MPDZ: variants seen among roughly 807,000 people sequenced by gnomAD.
MPDZ encodes multiple PDZ domain crumbs cell polarity complex component.
In MPDZ, 234 loss-of-function variants were observed where a neutral mutation model predicts 239.1. That is an observed-to-expected ratio of 0.98 (90% CI 0.88 to 1.09). MPDZ has a LOEUF of 1.09. Among genes scored for constraint, MPDZ ranks in the 50% least tolerant of loss-of-function variants. The probability of loss-of-function intolerance (pLI) is 0.00; values close to 1 mark genes in which losing one functional copy is unlikely to be tolerated. For synonymous variants in MPDZ, 1,048 were observed against 881.3 expected (o/e 1.19, Z -3.35); for missense variants, 3,175 against 2,510.0 (o/e 1.26, Z -5.66).
At chr9:13,207,148 A>C (rs1957095817) in intron 10 of MPDZ, among the ~76,000 whole-genome samples, 1 of 152,182 alleles carries the variant, frequency 6.6e-6, no homozygotes, top group African/African-American at 2.4e-5. Context: ...TCAAAAAAGA[A>C]AGAAAAAAAG....
intron 12 of MPDZ, among the ~76,000 whole-genome samples, chr9:13,200,745 C>G (rs1173177855): frequency 1.3e-5 from 2 of 151,802 alleles, no homozygotes; most frequent in Non-Finnish European, 2.9e-5. Context: ...TTATTGATAT[C>G]TAGTTTTATT....
intron 23 of MPDZ, among the ~76,000 whole-genome samples, chr9:13,160,040 T>C (rs1245231308): frequency 2.6e-5 from 4 of 152,156 alleles, no homozygotes; most frequent in African/African-American, 9.6e-5. Flanking sequence ...GAAAGTCACA[T>C]GGTGAGAAAG....
chr9:13,162,061 T>TAGGGTTAGGGTTAGGG (rs1314427422), intron 23 of MPDZ, among the ~76,000 whole-genome samples: 2 of 152,106 alleles, frequency 1.3e-5, no homozygotes, highest in African/African-American at 4.8e-5. Context: ...GCTCAGAAGT[T>TAGGGTTAGGGTTAGGG]TGAGACCAGC....
chr9:13,233,239 G>C (rs185619183), intron 3 of MPDZ, among the ~76,000 whole-genome samples: 38 of 152,184 alleles, frequency 2.5e-4, no homozygotes, highest in Admixed American at 1.6e-3. Flanking sequence ...TTAAAACATA[G>C]GTAGTAGGAA....
At chr9:13,124,307 C>G (rs1944802637) in intron 35 of MPDZ, among the ~76,000 whole-genome samples, 1 of 152,024 alleles carries the variant, frequency 6.6e-6, no homozygotes, top group African/African-American at 2.4e-5. Flanking sequence ...GTGAATTATC[C>G]AGTCTTTCTA....
In MPDZ at chr9:13,158,002, C is replaced by G; in HGVS notation, c.3452+16G>C. On this transcript the variant is annotated intron_variant, in intron 24 of 46. Coordinates refer to ENST00000319217, the MANE Select transcript of MPDZ (RefSeq NM_001378778.1). ...ATATATCCATTGGGTGGACAGAAGA[C>G]AGAAATAGTCCTTACCGCCTGGGCT... is the stretch of plus-strand genomic sequence containing the variant. 8 of 1,607,530 alleles carry G rather than the reference C, an allele frequency of 5.0e-6. No individual in the cohort carries two copies. Among genetic ancestry groups the G allele is most frequent in the Middle Eastern group, 1.7e-4 (1 of 6,052 alleles).
intron 3 of MPDZ, among the ~76,000 whole-genome samples, chr9:13,228,395 C>T (rs1245497315): frequency 6.6e-6 from 1 of 152,032 alleles, no homozygotes; most frequent in African/African-American, 2.4e-5. Flanking sequence ...AACTAAAACA[C>T]CTTCTAAGTA....
chr9:13,236,539 C>T, intron 3 of MPDZ, among the ~76,000 whole-genome samples: 1 of 151,272 alleles, frequency 6.6e-6, no homozygotes, highest in East Asian at 2.0e-4. Context: ...CCTCAGCCTC[C>T]CAAAGTGCTG....
intron 19 of MPDZ, among the ~76,000 whole-genome samples, chr9:13,182,646 AAAC>A (rs1953509398): frequency 6.6e-6 from 1 of 152,138 alleles, no homozygotes; most frequent in Admixed American, 6.6e-5. Flanking sequence ...GAAAAGTGAA[AAAC>A]AAATGGCCAA....
rs1944034592 is a variant in MPDZ, at chr9:13,119,657, C to A, written c.5232-8G>T. 6.2e-7 allele frequency: 1 copy of A among 1,613,886 alleles called. No individual in the cohort carries two copies. Among genetic ancestry groups the A allele is most frequent in the South Asian group, 1.1e-5 (1 of 91,078 alleles). The stretch of plus-strand genomic sequence containing the variant: ...AATACTCCAGTATCGTTTCTACACA[C>A]AATTTTGAATTTCAACATTATCTTT... On this transcript the variant is annotated splice_region_variant and splice_polypyrimidine_tract_variant and intron_variant, in intron 38 of 46. Transcript: ENST00000319217.
intron 28 of MPDZ, 82 bp from the exon 29 acceptor site, chr9:13,138,235 A>C: frequency 7.4e-7 from 1 of 1,342,468 alleles, no homozygotes; most frequent in Non-Finnish European, 9.8e-7. Flanking sequence ...ATTTAGTTTT[A>C]CCTCAAAAGG....
At chr9:13,223,447 G>C in intron 5 of MPDZ, 124 bp downstream of exon 5, 1 of 1,155,258 alleles carries the variant, frequency 8.7e-7, no homozygotes, top group Non-Finnish European at 1.2e-6. Context: ...CTAAAAACTG[G>C]TTAATAACAG....
At chr9:13,153,578 T>C (rs1042396511) in intron 24 of MPDZ, among the ~76,000 whole-genome samples, 2 of 152,050 alleles carry the variant, frequency 1.3e-5, no homozygotes, top group Admixed American at 6.6e-5. Flanking sequence ...GCTCAAGTAA[T>C]CTTCCCATCT....
chr9:13,150,151 C>G (rs1352778386), intron 25 of MPDZ, among the ~76,000 whole-genome samples: 2 of 151,884 alleles, frequency 1.3e-5, no homozygotes, highest in Non-Finnish European at 2.9e-5. Flanking sequence ...GTGCTTTGTT[C>G]TTTCAAACAG....
rs754735193 is a variant in MPDZ at position 13,175,820 on chromosome 9, A to G, written c.2987T>C (p.Met996Thr). ...AGATTCTTTAGATACATTTTGAAGC[A>G]TGACACACTCAGCATTACAGGCCAG... ...SSLACNAECV[M>T]LQNVSKESFE... is the part of the protein sequence containing the mutation. The change falls in exon 21 of 47, where the codon ATG (methionine) becomes ACG (threonine). Residue 996 changes from methionine (M) to threonine (T), a missense_variant. Coordinates refer to ENST00000319217, the MANE Select transcript of MPDZ (RefSeq NM_001378778.1). 6.3e-7 allele frequency: 1 copy of G among 1,589,480 alleles called. No homozygotes were observed. The highest frequency in any genetic ancestry group is 1.2e-5 in the South Asian group (1 of 86,956).
At chr9:13,199,821 T>A (rs747672387) in intron 12 of MPDZ, among the ~76,000 whole-genome samples, 5 of 152,156 alleles carry the variant, frequency 3.3e-5, no homozygotes, top group African/African-American at 4.8e-5. Context: ...AACTTGATTA[T>A]GATTAATGAT....
chr9:13,261,656 T>C (rs1405734060), intron 1 of MPDZ, among the ~76,000 whole-genome samples: 1 of 152,054 alleles, frequency 6.6e-6, no homozygotes, highest in Non-Finnish European at 1.5e-5. Flanking sequence ...TGGGTGAATA[T>C]AACACTATAA....
intron 1 of MPDZ, among the ~76,000 whole-genome samples, chr9:13,277,715 C>A (rs577208928): frequency 1.3e-5 from 2 of 152,146 alleles, no homozygotes; most frequent in South Asian, 4.2e-4. Context: ...CAGGTGCGAG[C>A]CATCACGCTC....
At chr9:13,236,523 C>T (rs544771542) in intron 3 of MPDZ, among the ~76,000 whole-genome samples, 8 of 151,082 alleles carry the variant, frequency 5.3e-5, no homozygotes, top group Middle Eastern at 3.4e-3. Context: ...TCAGGTGACC[C>T]GCCCACCTCA....
Sources: allele counts gnomAD v4.1 joint callset (sites outside exome capture counted in the v4.1 genomes callset), GRCh38; gene constraint gnomAD v4.1.1; transcripts MANE v1.5; gene names NCBI Gene and HGNC (gene_info 2026-07-23, HGNC 2026-07-21).